Variants in GALNT9 observed in about 807,000 individuals in gnomAD.
The protein encoded by GALNT9 is polypeptide N-acetylgalactosaminyltransferase 9, also known as GalNAc transferase 9.
GALNT9 carries 47 observed loss-of-function variants against 63.1 expected under a neutral mutation model. The observed-to-expected ratio is 0.75, with a 90% CI of 0.59 to 0.95. GALNT9 has a LOEUF of 0.95. Among genes scored for constraint, GALNT9 ranks in the 40% least tolerant of loss-of-function variants. The pLI, the probability that GALNT9 is intolerant of heterozygous loss-of-function variation, is 0.00. For synonymous variants in GALNT9, 396 were observed against 365.7 expected (o/e 1.08, Z -0.94); for missense variants, 829 against 874.8 (o/e 0.95, Z 0.66).
intron 6 of GALNT9, among the ~76,000 whole-genome samples, chr12:132,230,581 G>T (rs1446797838): frequency 6.7e-6 from 1 of 148,954 alleles, no homozygotes; most frequent in African/African-American, 2.6e-5. Context: ...CACTGCCAAG[G>T]CCGCGCCACC....
chr12:132,206,384 A>G lies in GALNT9; in HGVS notation c.1078-2694T>C, dbSNP rs548183987. Among the ~76,000 whole-genome samples the G allele has an allele frequency of 1.4e-3, 208 of 152,322 alleles. 1 individual carries two copies. Among genetic ancestry groups the G allele is most frequent in the Admixed American group, 3.2e-3 (49 of 15,302 alleles). Reference sequence around the variant, plus strand: ...AAAACCAGCCGGGCACAGGGGCCTCACACTTGTAATTCCAGCACTTTGGGA... The same window carrying G: ...AAAACCAGCCGGGCACAGGGGCCTCGCACTTGTAATTCCAGCACTTTGGGA... On this transcript the variant is annotated intron_variant, in intron 6 of 10. Transcript: ENST00000328957.
chr12:132,321,125 G>A (rs374537683), intron 1 of GALNT9, among the ~76,000 whole-genome samples: 6 of 152,142 alleles, frequency 3.9e-5, no homozygotes, highest in Non-Finnish European at 7.4e-5. Flanking sequence ...GGGCGGCCCC[G>A]CCAGGAAGAA....
intron 8 of GALNT9, 145 bp downstream of exon 8, chr12:132,200,979 T>C (rs1055820906): frequency 1.6e-5 from 12 of 753,592 alleles, no homozygotes; most frequent in African/African-American, 7.0e-5. Context: ...GCGGAAGGCC[T>C]GTCGGGCCGA....
intron 7 of GALNT9, 46 bp downstream of exon 7, chr12:132,203,459 C>T (rs368976040): frequency 6.2e-7 from 1 of 1,600,938 alleles, no homozygotes; most frequent in Admixed American, 1.7e-5. Flanking sequence ...GGCATTGACC[C>T]CGACCCTGGG....
intron 6 of GALNT9, among the ~76,000 whole-genome samples, chr12:132,239,187 G>A (rs2136896520): frequency 6.7e-6 from 1 of 148,640 alleles, no homozygotes; most frequent in South Asian, 2.2e-4. Flanking sequence ...CTGTGTGGGG[G>A]TGGGGGACAG....
chr12:132,281,656 C>T (rs547588064), intron 2 of GALNT9, among the ~76,000 whole-genome samples: 67 of 152,328 alleles, frequency 4.4e-4, no homozygotes, highest in African/African-American at 9.1e-4. Context: ...AAAGCTGGGA[C>T]TGGCCACTTC....
Position 132,252,680 on chromosome 12 carries a change from A to G in GALNT9, c.960-4653T>C, listed in dbSNP as rs868987489. On this transcript the variant is annotated intron_variant, in intron 5 of 10. Transcript: ENST00000328957. This position sits in a 1 kb window ranked among gnomAD's most constrained non-coding sequence, Gnocchi z 5.2. Reference sequence around the variant, plus strand: ...GATCACCTGAGGTCGGGAGTTCGAGACCAGCCTGACCAACATGGAGAAACC... The same window carrying G: ...GATCACCTGAGGTCGGGAGTTCGAGGCCAGCCTGACCAACATGGAGAAACC... 6.6e-6 allele frequency among the ~76,000 whole-genome samples: 1 copy of G among 152,086 alleles called. No individual in the cohort carries two copies. Among genetic ancestry groups the G allele is most frequent in the Non-Finnish European group, 1.5e-5 (1 of 68,016 alleles).
intron 2 of GALNT9, among the ~76,000 whole-genome samples, chr12:132,264,450 T>G (rs562551515): frequency 3.6e-4 from 55 of 152,344 alleles, no homozygotes; most frequent in Non-Finnish European, 6.3e-4. Context: ...GGGCCCGGCT[T>G]GGTCGGGGGT....
intron 6 of GALNT9, among the ~76,000 whole-genome samples, chr12:132,242,062 G>A (rs2136902966): frequency 4.4e-3 from 13 of 2,942 alleles, no homozygotes; most frequent in Non-Finnish European, 4.1e-3. Context: ...TTACACACAC[G>A]CCACACCCCC....
At chr12:132,283,811 C>T (rs1555241890) in intron 2 of GALNT9, 1 of 152,312 alleles carries the variant, frequency 6.6e-6, no homozygotes, top group Non-Finnish European at 1.5e-5. Flanking sequence ...CCTGCCTGGG[C>T]ATCTCTTCCC....
chr12:132,270,948 G>A (rs561611419), intron 2 of GALNT9, among the ~76,000 whole-genome samples: 1 of 152,038 alleles, frequency 6.6e-6, no homozygotes, highest in Admixed American at 6.6e-5. Flanking sequence ...CAGAGAGACA[G>A]CGAGGGGGAG....
intron 6 of GALNT9, among the ~76,000 whole-genome samples, chr12:132,204,448 A>C (rs111412981): frequency 2.6e-5 from 4 of 152,008 alleles, no homozygotes; most frequent in African/African-American, 9.6e-5. Context: ...CCGTGTTTAA[A>C]TCTGTCCCCT....
chr12:132,303,265 G>C (rs1483691619), intron 1 of GALNT9, among the ~76,000 whole-genome samples: 3 of 152,128 alleles, frequency 2.0e-5, no homozygotes, highest in South Asian at 4.1e-4. Flanking sequence ...CCCCCACCCC[G>C]GGCACCTTGA....
intron 6 of GALNT9, among the ~76,000 whole-genome samples, chr12:132,211,541 C>A (rs1483669636): frequency 6.6e-6 from 1 of 152,150 alleles, no homozygotes; most frequent in African/African-American, 2.4e-5. Flanking sequence ...TGGCCAGAAA[C>A]AGCCGTGTAT....
At chr12:132,203,740 C>T (rs1876403072) in intron 6 of GALNT9, 50 bp from the exon 7 acceptor site, 5 of 1,565,122 alleles carry the variant, frequency 3.2e-6, no homozygotes, top group Non-Finnish European at 4.3e-6. Flanking sequence ...CGGAAGCGGG[C>T]AGCCCGGCCA....
intron 6 of GALNT9, among the ~76,000 whole-genome samples, chr12:132,228,084 C>A (rs916655063): frequency 4.6e-5 from 7 of 152,094 alleles, no homozygotes; most frequent in Non-Finnish European, 8.8e-5. Flanking sequence ...CCATGTGCCG[C>A]CCCAGCAGGG....
chr12:132,266,155 T>C (rs28472658), intron 2 of GALNT9, among the ~76,000 whole-genome samples: 4,658 of 112,798 alleles, frequency 0.041, 283 homozygotes, highest in African/African-American at 0.14. Flanking sequence ...TTTACACGCC[T>C]GACCTCGCCG....
chr12:132,321,023 C>T (rs117360275), intron 1 of GALNT9, among the ~76,000 whole-genome samples: 4 of 152,266 alleles, frequency 2.6e-5, no homozygotes, highest in East Asian at 1.9e-4. Context: ...GGTGGACTCT[C>T]GCTCCAGGGG....
At chr12:132,237,229 GCTGCCCCA>G (rs1287024437) in intron 6 of GALNT9, among the ~76,000 whole-genome samples, 1 of 152,064 alleles carries the variant, frequency 6.6e-6, no homozygotes, top group Admixed American at 6.5e-5. Context: ...TGTACCCTCA[GCTGCCCCA>G]GGCCACCTGA....
Sources: gnomAD v4.1 joint callset for allele counts (sites outside exome capture counted in the v4.1 genomes callset) on GRCh38, gnomAD v4.1.1 for gene constraint, Gnocchi (gnomAD v3.1) non-coding constraint, MANE v1.5 for transcripts, NCBI Gene and HGNC (gene_info 2026-07-23, HGNC 2026-07-21) for gene names.